MYLK: variants seen among roughly 807,000 people sequenced by gnomAD.
MYLK encodes the protein myosin light chain kinase.
Under a neutral mutation model 203.4 loss-of-function variants are expected in MYLK, and 106 were observed. That is an observed-to-expected ratio of 0.52 (90% CI 0.45 to 0.61). The LOEUF (loss-of-function observed/expected upper bound fraction) is 0.61, where lower values mean the gene tolerates loss of function less well. Ranked by LOEUF, MYLK falls within the 20% of genes least tolerant of loss-of-function variation. The pLI, the probability that MYLK is intolerant of heterozygous loss-of-function variation, is 0.00. For synonymous variants in MYLK, 867 were observed against 959.5 expected (o/e 0.90, Z 1.78); for missense variants, 2,072 against 2,442.3 (o/e 0.85, Z 3.20).
rs759873751 is a variant in MYLK, at chr3:123,638,060, C to G, written c.4961+11G>C. On this transcript the variant is annotated intron_variant, in intron 29 of 33. Coordinates refer to ENST00000360304, the MANE Select transcript of MYLK (RefSeq NM_053025.4). ...GTGGTCCACCAGTCCACCAAGTGCC[C>G]CAGGACTCACAGGATGTAGCAGATG... The G allele has an allele frequency of 6.2e-7, 1 of 1,613,842 alleles. No homozygotes were observed. Among genetic ancestry groups the G allele is most frequent in the African/African-American group, 1.3e-5 (1 of 75,042 alleles).
At chr3:123,657,509 G>A in intron 23 of MYLK, 81 bp from the exon 24 acceptor site, 1 of 1,436,714 alleles carries the variant, frequency 7.0e-7, no homozygotes, top group South Asian at 1.2e-5. Flanking sequence ...TGTGTCATGG[G>A]GGGAAGGCAG....
intron 31 of MYLK, among the ~76,000 whole-genome samples, chr3:123,625,801 C>T (rs551777489): frequency 2.1e-3 from 252 of 119,650 alleles, no homozygotes; most frequent in African/African-American, 0.01. Context: ...AGCGAGACTC[C>T]ATCTCAAAAA....
At position 123,610,053 on chromosome 3, in the gene MYLK, G is replaced by A. The variant is rs573536638; in HGVS notation, c.*4052C>T. On this transcript the variant is annotated 3_prime_UTR_variant, in exon 34 of 34. Transcript: ENST00000360304. ...AAGAATTAAGAACAACAACACTTGA[G>A]TATCGAGACTATATTATCCAATACA... 9 of 152,248 alleles carry A rather than the reference G, an allele frequency of 5.9e-5. No individual in the cohort carries two copies. In the South Asian group the frequency reaches 1.7e-3, roughly 28 times the overall value. 9.4% of individuals were successfully genotyped at this position (152,248 alleles called of 1,614,324 possible).
intron 11 of MYLK, among the ~76,000 whole-genome samples, 164 bp downstream of exon 11, chr3:123,732,732 T>C (rs958327171): frequency 2.6e-5 from 4 of 152,200 alleles, no homozygotes; most frequent in Non-Finnish European, 5.9e-5. Context: ...ATCACTGGCC[T>C]AGAGCAACAC....
intron 5 of MYLK, among the ~76,000 whole-genome samples, chr3:123,741,365 G>A (rs1041696672): frequency 6.6e-6 from 1 of 152,176 alleles, no homozygotes; most frequent in Non-Finnish European, 1.5e-5. Context: ...TACGATACAG[G>A]CATTTCTGTT....
chr3:123,677,655 A>C (rs2060112505), intron 20 of MYLK, among the ~76,000 whole-genome samples: 1 of 151,968 alleles, frequency 6.6e-6, no homozygotes, highest in Non-Finnish European at 1.5e-5. Flanking sequence ...CAGGAGAAAA[A>C]GATAGCCACA....
At chr3:123,798,679 A>G (rs2065076902) in intron 3 of MYLK, among the ~76,000 whole-genome samples, 1 of 152,114 alleles carries the variant, frequency 6.6e-6, no homozygotes, top group Non-Finnish European at 1.5e-5. Context: ...ACGCAAATCA[A>G]TACAGCAAGG....
intron 2 of MYLK, among the ~76,000 whole-genome samples, chr3:123,851,254 T>C (rs940908583): frequency 6.6e-5 from 10 of 152,208 alleles, no homozygotes; most frequent in African/African-American, 2.4e-4. Flanking sequence ...ATATGAACTT[T>C]AAAGTAGTTT....
chr3:123,814,956 C>A (rs2065696183), intron 3 of MYLK, among the ~76,000 whole-genome samples: 1 of 152,058 alleles, frequency 6.6e-6, no homozygotes, highest in Non-Finnish European at 1.5e-5. Flanking sequence ...CCATGCCTGG[C>A]TAATTTTTGT....
chr3:123,881,717 T>C (rs1047450362), intron 1 of MYLK, among the ~76,000 whole-genome samples: 2 of 152,134 alleles, frequency 1.3e-5, no homozygotes, highest in Admixed American at 6.5e-5. Flanking sequence ...GCTCATCTTA[T>C]ATTTTGAGGA....
chr3:123,822,770 A>T (rs1027504309), intron 3 of MYLK, among the ~76,000 whole-genome samples: 1 of 152,138 alleles, frequency 6.6e-6, no homozygotes, highest in African/African-American at 2.4e-5. Context: ...TCTTCTGCCT[A>T]GGAAGGGACT....
chr3:123,817,783 C>T (rs1377881187), intron 3 of MYLK, among the ~76,000 whole-genome samples: 1 of 152,156 alleles, frequency 6.6e-6, no homozygotes, highest in African/African-American at 2.4e-5. Flanking sequence ...GAACTAACTC[C>T]TCCAGATCCT....
rs186965266 is a variant in MYLK at position 123,677,864 on chromosome 3, T to C, written c.3652+4360A>G. 2.8e-4 allele frequency among the ~76,000 whole-genome samples: 36 copies of C among 129,636 alleles called. No individual in the cohort carries two copies. In the East Asian group the frequency reaches 6.8e-3, roughly 24 times the overall value. 85.0% of individuals were successfully genotyped at this position (129,636 alleles called of 152,430 possible). On this transcript the variant is annotated intron_variant, in intron 20 of 33. Transcript: ENST00000360304. ...CTAAAATGGTAGGTACCTATCTCTA[T>C]CTAAATGAATAAATAAATGAATATA... is the stretch of plus-strand genomic sequence containing the variant.
At chr3:123,655,164 G>A (rs2059353961) in intron 24 of MYLK, among the ~76,000 whole-genome samples, 1 of 152,042 alleles carries the variant, frequency 6.6e-6, no homozygotes. Flanking sequence ...TACAGACTTG[G>A]ATCACAAAGA....
rs368321325 is a variant in MYLK, at chr3:123,664,189, G to A, written c.3901C>T (p.Arg1301Cys). ...NGSKLTILAARQEHCGCYTLL... is the reference protein window; with the variant it reads ...NGSKLTILAACQEHCGCYTLL... ...GTGTAGCAGCCGCAGTGCTCCTGGC[G>A]CGCGGCCAGGATGGTGAGCTTGCTG... Residue 1301 changes from arginine (R) to cysteine (C), a missense_variant, in exon 23 of 34, where the codon CGC becomes TGC. Physicochemically the swap from Arg to Cys is radical, Grantham distance 180 (BLOSUM62 -3). Around this residue, in one of 3 missense-constraint regions of MYLK, gnomAD observed 865 missense variants for 1,016.0 expected, o/e 0.85. Transcript: ENST00000360304. 7.6e-5 allele frequency: 122 copies of A among 1,614,148 alleles called. No homozygotes were observed. Among genetic ancestry groups the A allele is most frequent in the African/African-American group, 1.9e-4 (14 of 75,044 alleles).
chr3:123,736,358 G>A (rs915994883), intron 8 of MYLK, among the ~76,000 whole-genome samples: 2 of 152,144 alleles, frequency 1.3e-5, no homozygotes, highest in Admixed American at 1.3e-4. Context: ...TAAGAAGAAG[G>A]AGATGCAGAA....
At chr3:123,713,335 G>C (rs933377296) in intron 13 of MYLK, among the ~76,000 whole-genome samples, 8 of 152,044 alleles carry the variant, frequency 5.3e-5, no homozygotes, top group African/African-American at 1.9e-4. Flanking sequence ...TTAACTAACG[G>C]GAAGTGACTT....
rs536640601 is a variant in MYLK, at chr3:123,612,206, C to T, written c.*1899G>A. ...AACCACATAAGCCAGTTCTTCACATCTAGGCACCACAGTGTTTGTTTTTCA... is the reference window on the plus strand; with the variant it reads ...AACCACATAAGCCAGTTCTTCACATTTAGGCACCACAGTGTTTGTTTTTCA... On this transcript the variant is annotated 3_prime_UTR_variant, in exon 34 of 34. Coordinates refer to ENST00000360304, the MANE Select transcript of MYLK (RefSeq NM_053025.4). 8.8e-4 allele frequency: 134 copies of T among 152,786 alleles called. No individual in the cohort carries two copies. The highest frequency in any genetic ancestry group is 1.7e-3 in the Non-Finnish European group (117 of 68,034). The allele number at this position is 152,786 out of a possible 1,614,324, so 9.5% of individuals were successfully genotyped here.
intron 5 of MYLK, 58 bp from the exon 6 acceptor site, chr3:123,740,059 T>C: frequency 6.3e-7 from 1 of 1,578,758 alleles, no homozygotes; most frequent in South Asian, 1.1e-5. Context: ...GCAATGAAAG[T>C]AAAAAGATTC....
Sources: gnomAD v4.1 joint callset for allele counts (sites outside exome capture counted in the v4.1 genomes callset) on GRCh38, gnomAD v4.1.1 for gene constraint, gnomAD v4.1.1 regional missense constraint, MANE v1.5 for transcripts, NCBI Gene and HGNC (gene_info 2026-07-23, HGNC 2026-07-21) for gene names.